SCYL3: variants seen among roughly 807,000 people sequenced by gnomAD.
SCYL3 encodes protein-associating with the carboxyl-terminal domain of ezrin.
A neutral mutation model predicts 73.8 loss-of-function variants in SCYL3; 35 were observed. The observed-to-expected ratio is 0.47, with a 90% CI of 0.36 to 0.63. The LOEUF (loss-of-function observed/expected upper bound fraction) is 0.63, where lower values mean the gene tolerates loss of function less well. Among genes scored for constraint, SCYL3 ranks in the 20% least tolerant of loss-of-function variants. SCYL3 has a pLI of 0.00. For synonymous variants in SCYL3, 277 were observed against 295.2 expected, an observed-to-expected ratio of 0.94 and a Z score of 0.63; for missense variants, 712 against 798.9, an observed-to-expected ratio of 0.89 and a Z score of 1.31.
chr1:169,854,928 T>C lies in SCYL3; in HGVS notation c.1349A>G (p.Asn450Ser). The C allele has an allele frequency of 6.2e-7, 1 of 1,610,542 alleles. No individual in the cohort carries two copies. The highest frequency in any genetic ancestry group is 8.5e-7 in the Non-Finnish European group (1 of 1,178,638). The stretch of plus-strand genomic sequence containing the variant: ...AGTATTTTTTACATCTGAGAGTCCA[T>C]TTATGGGAAATTTAATAGGCTGAGA... ...PFSQPIKFPI[N>S]GLSDVKNTSE... The change falls in exon 12 of 13, where the codon AAT (asparagine) becomes AGT (serine). Residue 450 changes from asparagine to serine, a missense_variant. Physicochemically the swap from Asn to Ser is conservative, Grantham distance 46. This residue lies in a region of SCYL3 where 370 missense variants were observed against 350.8 expected (regional missense o/e 1.05). Transcript: ENST00000367771.
intron 3 of SCYL3, 62 bp downstream of exon 3, chr1:169,878,572 A>G (rs746881304): frequency 9.1e-6 from 12 of 1,312,520 alleles, no homozygotes; most frequent in Non-Finnish European, 1.3e-5. Flanking sequence ...ATTACCACAC[A>G]CATCACCCTC....
chr1:169,893,652 G>A (rs4656727), intron 1 of SCYL3, 136 bp downstream of exon 1: 16,472 of 151,404 alleles, frequency 0.11, 1,060 homozygotes, highest in Middle Eastern at 0.18. Flanking sequence ...GCGCCGCGCC[G>A]AGCTCGCTCC....
Position 169,852,643 on chromosome 1 carries a change from A to G in SCYL3, c.*1070T>C, listed in dbSNP as rs1369354855. On this transcript the variant is annotated 3_prime_UTR_variant, in exon 13 of 13. Transcript: ENST00000367771. The stretch of plus-strand genomic sequence containing the variant: ...ATGCCTTTACATATTTTTCTAGATG[A>G]CTGTGTAGGGGTTTTGGGGTGCATC... 3 of 733,036 alleles carry G rather than the reference A, an allele frequency of 4.1e-6. No homozygotes were observed. The highest frequency in any genetic ancestry group is 1.8e-5 in the African/African-American group (1 of 56,296). 45.4% of individuals were successfully genotyped at this position (733,036 alleles called of 1,614,324 possible). A position where few individuals can be genotyped will look rare whatever the true frequency, so the allele number is the denominator to read the frequency against.
chr1:169,853,951 T>C (rs1486602106), intron 12 of SCYL3, 179 bp from the exon 13 acceptor site: 2 of 694,860 alleles, frequency 2.9e-6, no homozygotes, highest in East Asian at 2.7e-5. Flanking sequence ...TACAAAACCA[T>C]GGCACTGGAA....
chr1:169,877,580 T>C (rs909754248), intron 3 of SCYL3, among the ~76,000 whole-genome samples: 1 of 152,202 alleles, frequency 6.6e-6, no homozygotes, highest in Non-Finnish European at 1.5e-5. Flanking sequence ...TATATCTCCA[T>C]TTGAGAAAAA....
intron 5 of SCYL3, among the ~76,000 whole-genome samples, chr1:169,872,049 T>A (rs1305023330): frequency 6.6e-6 from 1 of 152,176 alleles, no homozygotes; most frequent in African/African-American, 2.4e-5. Context: ...TTTGCATAAG[T>A]AATGAGGGGC....
chr1:169,862,561 G>A, intron 10 of SCYL3, 52 bp downstream of exon 10: 1 of 1,582,980 alleles, frequency 6.3e-7, no homozygotes, highest in Non-Finnish European at 8.7e-7. Context: ...CTTTCTTTCA[G>A]CACTCTTCCC....
At chr1:169,867,161 T>C (rs992979982) in intron 7 of SCYL3, among the ~76,000 whole-genome samples, 188 bp from the exon 8 acceptor site, 5 of 152,220 alleles carry the variant, frequency 3.3e-5, no homozygotes, top group African/African-American at 1.2e-4. Flanking sequence ...AAATCTAATA[T>C]TTTAATAGCA....
chr1:169,893,974 C>G (rs989591690), upstream of SCYL3: 19 of 152,380 alleles, frequency 1.2e-4, no homozygotes, highest in African/African-American at 4.6e-4. Flanking sequence ...GCCCACCTTC[C>G]TCCCTCCGAC....
At chr1:169,883,354 T>C (rs1472375864) in intron 2 of SCYL3, among the ~76,000 whole-genome samples, 1 of 152,126 alleles carries the variant, frequency 6.6e-6, no homozygotes, top group Non-Finnish European at 1.5e-5. Context: ...CACGAACCAG[T>C]ACCAGTCTGC....
At chr1:169,855,049 G>C (rs948016631) in intron 11 of SCYL3, 85 bp from the exon 12 acceptor site, 1 of 948,058 alleles carries the variant, frequency 1.1e-6, no homozygotes, top group African/African-American at 1.6e-5. Flanking sequence ...AGGAAGTGTA[G>C]TAGTATAGGT....
intron 2 of SCYL3, among the ~76,000 whole-genome samples, chr1:169,885,024 C>A (rs1379743858): frequency 6.6e-6 from 1 of 152,168 alleles, no homozygotes; most frequent in Non-Finnish European, 1.5e-5. Flanking sequence ...CAATGAACAT[C>A]AGTTGAGCAA....
chr1:169,864,727 C>T (rs543007361), intron 8 of SCYL3, among the ~76,000 whole-genome samples: 4 of 152,138 alleles, frequency 2.6e-5, no homozygotes, highest in Non-Finnish European at 5.9e-5. Flanking sequence ...TGGGCGGCCG[C>T]GGCGGGCAGA....
chr1:169,872,264 G>A (rs1292725586), intron 5 of SCYL3, among the ~76,000 whole-genome samples: 4 of 152,236 alleles, frequency 2.6e-5, no homozygotes, highest in African/African-American at 7.2e-5. Flanking sequence ...AGGGGCCAAC[G>A]TAGAGCTCAG....
chr1:169,852,144 T>G lies in SCYL3; in HGVS notation c.*1569A>C, dbSNP rs1658444370. The G allele has an allele frequency of 1.7e-5, 11 of 640,618 alleles. 1 individual carries two copies. The allele number at this position is 640,618 out of a possible 1,614,324, so 39.7% of individuals were successfully genotyped here. ...TATCAAATATATTCTTTCAGTATGTTTGAATTATTGGTAGTAACCTTTAAG... is the reference window on the plus strand; with the variant it reads ...TATCAAATATATTCTTTCAGTATGTGTGAATTATTGGTAGTAACCTTTAAG... On this transcript the variant is annotated 3_prime_UTR_variant, in exon 13 of 13. Transcript: ENST00000367771.
rs767752383 is a variant in SCYL3 at position 169,854,703 on chromosome 1, T to G, written c.1574A>C (p.Asp525Ala). 1.2e-5 allele frequency: 19 copies of G among 1,614,102 alleles called. No homozygotes were observed. The highest frequency in any genetic ancestry group is 1.5e-5 in the Non-Finnish European group (18 of 1,179,958). Residue 525 changes from aspartate to alanine, a missense_variant, in exon 12 of 13, where the codon GAT (aspartate) becomes GCT (alanine). Asp to Ala is a moderately radical substitution (Grantham distance 126). Transcript: ENST00000367771. ...SWDDCEPSSL[D>A]TKVNPGGGIT... ...TCCACCTCCTGGGTTTACTTTAGTA[T>G]CTAAGCTGCTGGGCTCGCAGTCATC...
At chr1:169,854,052 A>T in intron 12 of SCYL3, 1 of 565,110 alleles carries the variant, frequency 1.8e-6, no homozygotes, top group South Asian at 2.7e-5. Flanking sequence ...TTTTTCAAAT[A>T]AAAAGGTTAC....
chr1:169,873,641 T>G (rs1432863557), intron 5 of SCYL3, 55 bp downstream of exon 5: 9 of 1,257,640 alleles, frequency 7.2e-6, no homozygotes, highest in Admixed American at 2.1e-5. Flanking sequence ...TTTTTAAAAT[T>G]TCATACTCAA....
At chr1:169,864,166 A>G (rs1204393349) in intron 9 of SCYL3, among the ~76,000 whole-genome samples, 1 of 152,048 alleles carries the variant, frequency 6.6e-6, no homozygotes, top group Non-Finnish European at 1.5e-5. Context: ...AGTAAATTGG[A>G]CTCTCTAGGA....
Sources: allele counts gnomAD v4.1 joint callset (sites outside exome capture counted in the v4.1 genomes callset), GRCh38; gene constraint gnomAD v4.1.1; regional missense constraint gnomAD v4.1.1; transcripts MANE v1.5; gene names NCBI Gene and HGNC (gene_info 2026-07-23, HGNC 2026-07-21).